ABLIM1: variants seen among roughly 807,000 people sequenced by gnomAD.
ABLIM1 encodes the protein actin binding LIM protein 1, also known as actin-binding LIM protein 1.
ABLIM1 carries 40 observed loss-of-function variants against 107.0 expected under a neutral mutation model. The ratio of observed to expected loss-of-function variants is 0.37; its 90% CI spans 0.29 to 0.49. The LOEUF (loss-of-function observed/expected upper bound fraction) is 0.49. Ranked by LOEUF, ABLIM1 falls within the 20% of genes least tolerant of loss-of-function variation. ABLIM1 has a pLI of 0.97. For synonymous variants in ABLIM1, 357 were observed against 357.3 expected (o/e 1.00, Z 0.01); for missense variants, 857 against 1,008.5 (o/e 0.85, Z 2.04).
intron 1 of ABLIM1, among the ~76,000 whole-genome samples, chr10:114,751,809 G>C (rs1351902785): frequency 1.3e-5 from 2 of 151,890 alleles, no homozygotes; most frequent in Non-Finnish European, 2.9e-5. Context: ...ATGCACAGGG[G>C]GGAAATGGAA....
intron 1 of ABLIM1, 68 bp downstream of exon 1, chr10:114,657,889 A>G (rs1440632490): frequency 9.3e-6 from 12 of 1,292,580 alleles, no homozygotes; most frequent in African/African-American, 8.8e-5. Flanking sequence ...AATGATCTGG[A>G]TAGTACTCTC....
At chr10:114,766,739 G>A (rs2082903608) in intron 1 of ABLIM1, among the ~76,000 whole-genome samples, 1 of 152,152 alleles carries the variant, frequency 6.6e-6, no homozygotes. Flanking sequence ...GTGGTACTTA[G>A]GACAGCGGTC....
chr10:114,451,484 T>C (rs1039355112), intron 14 of ABLIM1, 140 bp downstream of exon 14: 35 of 804,762 alleles, frequency 4.3e-5, no homozygotes, highest in Non-Finnish European at 7.8e-5. Context: ...TACATCTTAG[T>C]AGACCAGAAA....
rs1023716025 is a variant in ABLIM1 at position 114,711,934 on chromosome 10, G to A, written c.-213+56127C>T. ...CAAGGGAGCCGTTGCTGTAGCCATCGGGGTTAGTCTCTAGGAGCACAGCAG... is the reference window on the plus strand; with the variant it reads ...CAAGGGAGCCGTTGCTGTAGCCATCAGGGTTAGTCTCTAGGAGCACAGCAG... On this transcript the variant is annotated intron_variant, in intron 1 of 15. Transcript: ENST00000651092. Among the ~76,000 whole-genome samples the A allele has an allele frequency of 5.5e-4, 83 of 152,164 alleles. 1 individual carries two copies. Among genetic ancestry groups the A allele is most frequent in the Admixed American group, 3.9e-3 (59 of 15,272 alleles).
intron 10 of ABLIM1, among the ~76,000 whole-genome samples, chr10:114,468,986 A>G (rs1455112527): frequency 6.7e-6 from 1 of 150,156 alleles, no homozygotes; most frequent in Non-Finnish European, 1.5e-5. Context: ...CGGAAGGCGA[A>G]GCTTGCAGTG....
At chr10:114,478,603 G>A (rs1267526805) in intron 8 of ABLIM1, among the ~76,000 whole-genome samples, 1 of 152,168 alleles carries the variant, frequency 6.6e-6, no homozygotes, top group Non-Finnish European at 1.5e-5. Context: ...TGTGAAGAAG[G>A]TCTTTGCTTC....
chr10:114,738,195 C>T (rs984853970), intron 1 of ABLIM1, among the ~76,000 whole-genome samples: 2 of 152,080 alleles, frequency 1.3e-5, no homozygotes, highest in South Asian at 2.1e-4. Flanking sequence ...ACTACAGGCA[C>T]GTGCCACCGT....
chr10:114,491,012 G>GTGTGTGTGTGTGTATATATATATA, intron 7 of ABLIM1, among the ~76,000 whole-genome samples: 92 of 92,372 alleles, frequency 1.0e-3, no homozygotes, highest in African/African-American at 3.8e-3. Flanking sequence ...GTGTGTGTGT[G>GTGTGTGTGTGTGTATATATATATA]TATATATATA....
chr10:114,663,705 G>A (rs145854867), intron 1 of ABLIM1, among the ~76,000 whole-genome samples: 3 of 152,346 alleles, frequency 2.0e-5, no homozygotes, highest in South Asian at 2.1e-4. Context: ...GCACATGCCC[G>A]AGAGGCCCTG....
intron 2 of ABLIM1, among the ~76,000 whole-genome samples, chr10:114,596,050 T>G (rs930929091): frequency 6.6e-6 from 1 of 152,214 alleles, no homozygotes; most frequent in Non-Finnish European, 1.5e-5. Flanking sequence ...ACTCCATCTA[T>G]CTACCCAGGC....
chr10:114,749,684 A>C lies in ABLIM1; in HGVS notation c.-213+18377T>G, dbSNP rs150414607. Reference sequence around the variant, plus strand: ...TCCTCAAGGTGGTTCACAAGATAGCACATGACTGCTCCCCCACGCCCCACC... The same window carrying C: ...TCCTCAAGGTGGTTCACAAGATAGCCCATGACTGCTCCCCCACGCCCCACC... On this transcript the variant is annotated intron_variant, in intron 1 of 15. Transcript: ENST00000651092. Among the ~76,000 whole-genome samples the C allele has an allele frequency of 6.9e-3, 1,046 of 152,244 alleles. 6 individuals are homozygous for C. The highest frequency in any genetic ancestry group is 0.024 in the African/African-American group (1,011 of 41,536).
chr10:114,642,427 A>G (rs2078794238), intron 1 of ABLIM1, among the ~76,000 whole-genome samples: 1 of 152,254 alleles, frequency 6.6e-6, no homozygotes, highest in Non-Finnish European at 1.5e-5. Flanking sequence ...TTCAATAGTA[A>G]GAATGGAAAT....
In ABLIM1 at chr10:114,575,442, G is replaced by A. The variant is rs2072388242; in HGVS notation, c.537C>T (p.Pro179=). The A allele has an allele frequency of 6.2e-7, 1 of 1,614,068 alleles. No individual in the cohort carries two copies. The highest frequency in any genetic ancestry group is 1.3e-5 in the African/African-American group (1 of 75,038). ...TGCAGATAGTACAAGCAAAGCAATT[G>A]GGATGGTAGGTCTTGCCCAGAGCAG... ...VVTALGKTYH[P]NCFACTICKR... is the part of the protein sequence containing the mutation. The change falls in exon 3 of 23, where the codon CCC becomes CCT. Residue 179 remains proline (P), a synonymous_variant. Transcript: ENST00000533213.
chr10:114,631,836 T>G, intron 1 of ABLIM1: 2 of 1,293,190 alleles, frequency 1.5e-6, no homozygotes, highest in East Asian at 5.9e-5. Context: ...CCCCGTTAGG[T>G]GGCCGAGCCC....
At chr10:114,511,326 T>C (rs2061836679) in intron 6 of ABLIM1, among the ~76,000 whole-genome samples, 1 of 151,980 alleles carries the variant, frequency 6.6e-6, no homozygotes, top group South Asian at 2.1e-4. Context: ...TTCTAAGCAA[T>C]GTTTTTCATT....
the ABLIM1 span, among the ~76,000 whole-genome samples, chr10:114,773,769 C>A: frequency 1.3e-5 from 2 of 151,774 alleles, no homozygotes; most frequent in Non-Finnish European, 2.9e-5. Context: ...GCAAAAATAT[C>A]TTTCAAAAAT....
At chr10:114,531,600 C>A (rs560045809) in intron 6 of ABLIM1, among the ~76,000 whole-genome samples, 5 of 152,248 alleles carry the variant, frequency 3.3e-5, no homozygotes, top group Admixed American at 2.0e-4. Flanking sequence ...TCACTGCAAC[C>A]TCCAACTCCC....
At chr10:114,731,681 C>T (rs1436496155) in intron 1 of ABLIM1, among the ~76,000 whole-genome samples, 1 of 151,962 alleles carries the variant, frequency 6.6e-6, no homozygotes, top group Non-Finnish European at 1.5e-5. Context: ...CAAACCTTGG[C>T]TCACTGCAAC....
upstream of ABLIM1, among the ~76,000 whole-genome samples, chr10:114,663,067 T>C (rs2079862162): frequency 6.6e-6 from 1 of 152,232 alleles, no homozygotes; most frequent in Non-Finnish European, 1.5e-5. Context: ...GGCTGCAGTC[T>C]TTGTCAGCGG....
Sources: gnomAD v4.1 joint callset for allele counts (sites outside exome capture counted in the v4.1 genomes callset) on GRCh38, gnomAD v4.1.1 for gene constraint, MANE v1.5 for transcripts, NCBI Gene and HGNC (gene_info 2026-07-23, HGNC 2026-07-21) for gene names.